The following DYSF variants were observed in gnomAD, a reference collection of about 807,000 sequenced individuals.
The protein encoded by DYSF is dystrophy-associated fer-1-like 1.
Under a neutral mutation model 274.9 loss-of-function variants are expected in DYSF, and 212 were observed. The ratio of observed to expected loss-of-function variants is 0.77; its 90% confidence interval spans 0.69 to 0.86. The LOEUF (loss-of-function observed/expected upper bound fraction) is 0.86. Among genes scored for constraint, DYSF ranks in the 40% least tolerant of loss-of-function variants. The pLI, the probability that DYSF is intolerant of heterozygous loss-of-function variation, is 0.00. For synonymous variants in DYSF, 1,091 were observed against 1,078.7 expected, an observed-to-expected ratio of 1.01 and a Z score of -0.22; for missense variants, 2,666 against 2,783.2, an observed-to-expected ratio of 0.96 and a Z score of 0.95.
chr2:71,487,377 G>T (rs551491517), intron 3 of DYSF, among the ~76,000 whole-genome samples: 1 of 151,976 alleles, frequency 6.6e-6, no homozygotes, highest in South Asian at 2.1e-4. Context: ...TCTGAGCTCC[G>T]CACTAAGCTG....
chr2:71,673,757 C>T (rs896616801), intron 51 of DYSF, among the ~76,000 whole-genome samples: 12 of 152,128 alleles, frequency 7.9e-5, no homozygotes, highest in Admixed American at 7.2e-4. Context: ...GCTTTGGTCT[C>T]CTCCACTGTA....
chr2:71,582,463 T>C (rs775577899), intron 30 of DYSF, among the ~76,000 whole-genome samples: 5 of 152,172 alleles, frequency 3.3e-5, no homozygotes, highest in African/African-American at 7.2e-5. Flanking sequence ...TGTTTAGCTG[T>C]GTTTCCTCCC....
At chr2:71,453,853 G>C in exon 1 of DYSF, 3 of 829,230 alleles carry the variant, frequency 3.6e-6, no homozygotes, top group Non-Finnish European at 6.0e-6. Context: ...AAGAGCAACT[G>C]CTCTAAGCCA....
rs2093861510 is a variant in DYSF at position 71,615,512 on chromosome 2, A to C, written c.4464+2102A>C. Among the ~76,000 whole-genome samples, 1 of 152,192 alleles carries C rather than the reference A, an allele frequency of 6.6e-6. No homozygotes were observed. The highest frequency in any genetic ancestry group is 1.5e-5 in the Non-Finnish European group (1 of 68,014). ...AGCAGGGAGACCAGTTCTGTTCTGC[A>C]GGGAGCCCTGGCCCTCTGGGGAAGC... On this transcript the variant is annotated intron_variant, in intron 40 of 55. Coordinates refer to ENST00000410020, the MANE Select transcript of DYSF (RefSeq NM_001130987.2). This position sits in a 1 kb window ranked among gnomAD's most constrained non-coding sequence, Gnocchi z 4.9.
At chr2:71,630,063 A>G (rs2094286528) in intron 41 of DYSF, among the ~76,000 whole-genome samples, 1 of 152,136 alleles carries the variant, frequency 6.6e-6, no homozygotes, top group Non-Finnish European at 1.5e-5. Flanking sequence ...TTTGCCCTTA[A>G]TATCTTCTTT....
chr2:71,543,589 C>G (rs187107014), intron 17 of DYSF, among the ~76,000 whole-genome samples: 10 of 152,308 alleles, frequency 6.6e-5, no homozygotes, highest in East Asian at 1.9e-4. Flanking sequence ...ACTGAGTGAA[C>G]GAGACTCCAT....
chr2:71,677,344 G>T (rs1233654066), intron 52 of DYSF, among the ~76,000 whole-genome samples: 1 of 152,074 alleles, frequency 6.6e-6, no homozygotes, highest in African/African-American at 2.4e-5. Flanking sequence ...CTTTAATTTG[G>T]CTTCAGAAAA....
chr2:71,590,238 A>T lies in DYSF; in HGVS notation c.3524A>T (p.Tyr1175Phe). The T allele has an allele frequency of 6.2e-7, 1 of 1,614,086 alleles. No homozygotes were observed. Among genetic ancestry groups the T allele is most frequent in the Non-Finnish European group, 8.5e-7 (1 of 1,180,014 alleles). Residue 1175 changes from tyrosine (Y) to phenylalanine (F), a missense_variant, in exon 32 of 56, where the codon TAC (tyrosine) becomes TTC (phenylalanine). By Grantham distance (22) the Tyr-to-Phe change is conservative (BLOSUM62 3). This residue lies in a region of DYSF where 1,460 missense variants were observed against 1,502.1 expected (regional missense o/e 0.97). Transcript: ENST00000410020. ...DYGNRYHLRC[Y>F]MYQARDLAAM... ...GGGAACCGCTACCATCTACGCTGCTACATGTACCAGGCCCGGGACCTGGCT... is the reference window on the plus strand; with the variant it reads ...GGGAACCGCTACCATCTACGCTGCTTCATGTACCAGGCCCGGGACCTGGCT...
intron 1 of DYSF, among the ~76,000 whole-genome samples, chr2:71,469,058 T>C (rs1317674948): frequency 6.6e-6 from 1 of 152,194 alleles, no homozygotes; most frequent in Non-Finnish European, 1.5e-5. Context: ...CTGTAGAGGT[T>C]CCGATGCAGC....
chr2:71,634,446 G>A (rs1056682870), intron 41 of DYSF, among the ~76,000 whole-genome samples: 3 of 152,154 alleles, frequency 2.0e-5, no homozygotes, highest in Non-Finnish European at 4.4e-5. Context: ...TTTTTGTGGG[G>A]CTCTTTCTTA....
At chr2:71,592,152 G>A (rs1437185797) in intron 32 of DYSF, among the ~76,000 whole-genome samples, 1 of 152,162 alleles carries the variant, frequency 6.6e-6, no homozygotes, top group Non-Finnish European at 1.5e-5. Flanking sequence ...TGGCCAGGGG[G>A]GGCCCAGGCA....
In DYSF at chr2:71,570,761, G is replaced by A. The variant is rs1392381948; in HGVS notation, c.3228+20G>A. On this transcript the variant is annotated intron_variant, in intron 29 of 55. Transcript: ENST00000410020. ...AAAAGGGTGAGCCAGCAGGTGGTGG[G>A]TGGGAGTGAGGCCTGTGGTCACAGG... The A allele has an allele frequency of 6.8e-6, 11 of 1,612,986 alleles. No homozygotes were observed. The highest frequency in any genetic ancestry group is 2.7e-5 in the African/African-American group (2 of 74,898).
intron 23 of DYSF, among the ~76,000 whole-genome samples, chr2:71,562,707 G>T (rs2091853270): frequency 6.6e-6 from 1 of 152,198 alleles, no homozygotes; most frequent in African/African-American, 2.4e-5. Context: ...CAGGAGAGCG[G>T]TTGCTGGAGG....
chr2:71,663,925 C>A (rs1367611243), intron 45 of DYSF, among the ~76,000 whole-genome samples: 4 of 152,176 alleles, frequency 2.6e-5, no homozygotes. Context: ...AGCTCTGGCC[C>A]CTGGCTCTGG....
In DYSF at chr2:71,516,183, C is replaced by A; in HGVS notation, c.892C>A (p.Leu298Ile). ...KGNSPLFNET[L>I]FFNLFDSPGE... Reference sequence around the variant, plus strand: ...TCTCTTTGCTCTGAACCAACAGACTCTTTTCTTCAACTTGTTTGACTCTCC... The same window carrying A: ...TCTCTTTGCTCTGAACCAACAGACTATTTTCTTCAACTTGTTTGACTCTCC... The change falls in exon 9 of 56, where the codon CTT becomes ATT. Residue 298 changes from leucine to isoleucine, a missense_variant. Physicochemically the swap from Leu to Ile is conservative, Grantham distance 5 (BLOSUM62 2). Coordinates refer to ENST00000410020, the MANE Select transcript of DYSF (RefSeq NM_001130987.2). 6.2e-7 allele frequency: 1 copy of A among 1,614,218 alleles called. No homozygotes were observed. The highest frequency in any genetic ancestry group is 1.1e-5 in the South Asian group (1 of 91,084).
At chr2:71,504,974 C>T (rs1006867134) in intron 4 of DYSF, among the ~76,000 whole-genome samples, 19 of 152,308 alleles carry the variant, frequency 1.2e-4, no homozygotes, top group African/African-American at 4.6e-4. Context: ...TACAATCCTT[C>T]ACCAACCGTG....
At chr2:71,584,514 T>C (rs770668699) in intron 30 of DYSF, among the ~76,000 whole-genome samples, 14 of 152,204 alleles carry the variant, frequency 9.2e-5, no homozygotes, top group Non-Finnish European at 1.8e-4. Flanking sequence ...GACCCGACTC[T>C]GAGCTTCCTG....
At chr2:71,500,223 C>T (rs1275929402) in intron 3 of DYSF, among the ~76,000 whole-genome samples, 1 of 152,130 alleles carries the variant, frequency 6.6e-6, no homozygotes, top group Non-Finnish European at 1.5e-5. Context: ...CTCTAGCCTC[C>T]CAGGGGTCCC....
intron 17 of DYSF, among the ~76,000 whole-genome samples, chr2:71,542,847 C>T (rs990823029): frequency 2.6e-5 from 4 of 152,258 alleles, no homozygotes; most frequent in Admixed American, 6.5e-5. Flanking sequence ...TCGACAAAAC[C>T]GCCATCATCA....
Sources: allele counts gnomAD v4.1 joint callset (sites outside exome capture counted in the v4.1 genomes callset), GRCh38; gene constraint gnomAD v4.1.1; regional missense constraint gnomAD v4.1.1; non-coding constraint Gnocchi (gnomAD v3.1); transcripts MANE v1.5; gene names NCBI Gene and HGNC (gene_info 2026-07-23, HGNC 2026-07-21).